Variants in HDAC8 observed in about 807,000 individuals in gnomAD.
The protein encoded by HDAC8 is histone deacetylase 8, also known as histone deacetylase-like 1.
In HDAC8, 1 loss-of-function variant was observed where a neutral mutation model predicts 32.2. The observed-to-expected ratio is 0.03, with a 90% CI of 0.01 to 0.15. The LOEUF is 0.15. Among genes scored for constraint, HDAC8 ranks in the 10% least tolerant of loss-of-function variants. The pLI is 1.00. For missense variants in HDAC8, 117 were observed against 300.0 expected (o/e 0.39, Z 4.51); for synonymous variants, 108 against 113.9 (o/e 0.95, Z 0.33).
intron 9 of HDAC8, among the ~76,000 whole-genome samples, chrX:72,406,428 G>T (rs1204641955): frequency 9.0e-6 from 1 of 110,956 alleles, no homozygotes; most frequent in African/African-American, 3.3e-5. Context: ...ATGAGGTTTT[G>T]CCATGTTGCC....
At chrX:72,556,596 GT>G (rs1398582498) in intron 4 of HDAC8, among the ~76,000 whole-genome samples, 1 of 111,578 alleles carries the variant, frequency 9.0e-6, no homozygotes, top group Non-Finnish European at 1.9e-5. Flanking sequence ...GCAAGCAGGA[GT>G]AGCTATTCTT....
In HDAC8 at chrX:72,329,662, G is replaced by A; in HGVS notation, c.*392C>T. ...TGGTCCTGAGGCCCAAACCCTGCCT[G>A]TCAGCTGCCTCCTGCCCTACAAACT... On this transcript the variant is annotated 3_prime_UTR_variant, in exon 11 of 11. Coordinates refer to ENST00000373573, the MANE Select transcript of HDAC8 (RefSeq NM_018486.3). The A allele has an allele frequency of 8.4e-7, 1 of 1,185,734 alleles. No homozygotes were observed. Among genetic ancestry groups the A allele is most frequent in the Non-Finnish European group, 1.1e-6 (1 of 882,372 alleles).
chrX:72,525,551 G>T (rs1321346487), intron 4 of HDAC8, among the ~76,000 whole-genome samples: 1 of 110,245 alleles, frequency 9.1e-6, no homozygotes, highest in Non-Finnish European at 1.9e-5. Flanking sequence ...TAGGCACTGA[G>T]ACAAAAATCC....
At chrX:72,408,846 G>T (rs1168976305) in intron 9 of HDAC8, among the ~76,000 whole-genome samples, 1 of 112,011 alleles carries the variant, frequency 8.9e-6, no homozygotes, top group Non-Finnish European at 1.9e-5. Context: ...AAAGTGATAG[G>T]AGCCAGATCA....
intron 10 of HDAC8, among the ~76,000 whole-genome samples, chrX:72,349,499 C>G (rs2044117622): frequency 8.9e-6 from 1 of 112,231 alleles, no homozygotes. Flanking sequence ...AATTTCTGGT[C>G]CATATGTTTT....
chrX:72,522,597 C>T (rs1343929923), intron 4 of HDAC8, among the ~76,000 whole-genome samples: 3 of 112,082 alleles, frequency 2.7e-5, no homozygotes, highest in African/African-American at 9.7e-5. Context: ...ATGCCAGAGC[C>T]AGCTGGTAAG....
At chrX:72,429,804 C>T (rs190818982) in intron 9 of HDAC8, among the ~76,000 whole-genome samples, 15 of 111,920 alleles carry the variant, frequency 1.3e-4, no homozygotes, top group Non-Finnish European at 2.6e-4. Flanking sequence ...TATCTAGCAA[C>T]GATTTAAGAA....
At chrX:72,337,661 C>T (rs1329612397) in intron 10 of HDAC8, among the ~76,000 whole-genome samples, 1 of 111,309 alleles carries the variant, frequency 9.0e-6, no homozygotes, top group Non-Finnish European at 1.9e-5. Flanking sequence ...CCTTCCTTGT[C>T]TCCTACAACC....
At chrX:72,361,767 A>T (rs2044561103) in intron 9 of HDAC8, among the ~76,000 whole-genome samples, 1 of 110,614 alleles carries the variant, frequency 9.0e-6, no homozygotes, top group South Asian at 3.9e-4. Context: ...AGGAGATGAC[A>T]ATCAAATAGA....
chrX:72,338,807 G>C (rs7877715), intron 10 of HDAC8, among the ~76,000 whole-genome samples: 2,197 of 105,107 alleles, frequency 0.021, 57 homozygotes, highest in African/African-American at 0.073. Context: ...CCAGCACTTT[G>C]GGAGTCTGAG....
intron 9 of HDAC8, among the ~76,000 whole-genome samples, chrX:72,398,637 C>T (rs1402385386): frequency 1.1e-4 from 12 of 109,982 alleles, no homozygotes; most frequent in Non-Finnish European, 2.1e-4. Flanking sequence ...CCACGTCTAG[C>T]GGGATTGTCT....
At chrX:72,570,093 ATCCTG>A (rs1353385150) in intron 2 of HDAC8, among the ~76,000 whole-genome samples, 1 of 112,032 alleles carries the variant, frequency 8.9e-6, no homozygotes, top group East Asian at 2.8e-4. Context: ...GCTGGAAGAA[ATCCTG>A]TGGTTTGGCC....
Position 72,474,167 on chromosome X carries a change from T to A in HDAC8, c.738-9436A>T, listed in dbSNP as rs2048263683. 5.3e-6 allele frequency: 4 copies of A among 752,000 alleles called. No homozygotes were observed. The South Asian group carries it at 2.7e-4, about 51-fold the overall frequency. The allele number at this position is 752,000 out of a possible 1,213,427, so 62.0% of individuals were successfully genotyped here. A position where few individuals can be genotyped will look rare whatever the true frequency, so the allele number is the denominator to read the frequency against. ...TTTAGAAACCAGATCAAATGTTACCTCCTCAATTACGCCTTTTTCTGAAGT... is the reference window on the plus strand; with the variant it reads ...TTTAGAAACCAGATCAAATGTTACCACCTCAATTACGCCTTTTTCTGAAGT... On this transcript the variant is annotated intron_variant, in intron 7 of 10. Transcript: ENST00000373573.
At chrX:72,557,475 T>C (rs2051321381) in intron 4 of HDAC8, among the ~76,000 whole-genome samples, 1 of 111,796 alleles carries the variant, frequency 8.9e-6, no homozygotes, top group South Asian at 3.8e-4. Flanking sequence ...TGAATGAACA[T>C]TGGGTCAACA....
chrX:72,361,743 G>T (rs949493167), intron 9 of HDAC8, among the ~76,000 whole-genome samples: 1 of 109,371 alleles, frequency 9.1e-6, no homozygotes, highest in African/African-American at 3.3e-5. Context: ...AATAAGGTCT[G>T]GTGACTGCTC....
At chrX:72,446,939 CAGTA>C (rs1438396818) in intron 9 of HDAC8, among the ~76,000 whole-genome samples, 1 of 111,916 alleles carries the variant, frequency 8.9e-6, no homozygotes, top group Non-Finnish European at 1.9e-5. Flanking sequence ...GAAATTGAGA[CAGTA>C]ATTAATAGCC....
At chrX:72,443,176 C>T (rs1425147451) in intron 9 of HDAC8, among the ~76,000 whole-genome samples, 1 of 110,956 alleles carries the variant, frequency 9.0e-6, no homozygotes, top group Admixed American at 9.6e-5. Context: ...AGCTCTCCAC[C>T]AAGCACACCT....
In HDAC8 at chrX:72,449,587, G is replaced by T. The variant is rs1038846740; in HGVS notation, c.1005+12417C>A. Reference sequence around the variant, plus strand: ...TTAAAGTATAAAAAAAAAATTAGAGGGAACAAACAGAAAACATACTGTTTA... The same window carrying T: ...TTAAAGTATAAAAAAAAAATTAGAGTGAACAAACAGAAAACATACTGTTTA... On this transcript the variant is annotated intron_variant, in intron 9 of 10. Transcript: ENST00000373573. 4.5e-5 allele frequency among the ~76,000 whole-genome samples: 5 copies of T among 110,574 alleles called. No individual in the cohort carries two copies. The South Asian group carries it at 1.9e-3, about 43-fold the overall frequency.
chrX:72,349,854 A>G (rs1441925650), intron 10 of HDAC8, among the ~76,000 whole-genome samples: 1 of 111,661 alleles, frequency 9.0e-6, no homozygotes, highest in African/African-American at 3.3e-5. Context: ...TGGAGGTGTG[A>G]GCGAGTAGCT....
Sources: gnomAD v4.1 joint callset for allele counts (sites outside exome capture counted in the v4.1 genomes callset) on GRCh38, gnomAD v4.1.1 for gene constraint, MANE v1.5 for transcripts, NCBI Gene and HGNC (gene_info 2026-07-23, HGNC 2026-07-21) for gene names.